The following MYBPHL variants were observed in gnomAD, a reference collection of about 807,000 sequenced individuals.
MYBPHL encodes myosin-binding protein H-like.
MYBPHL carries 32 observed loss-of-function variants against 39.5 expected under a neutral mutation model. The observed-to-expected ratio is 0.81, with a 90% confidence interval of 0.61 to 1.09. The LOEUF (loss-of-function observed/expected upper bound fraction) is 1.09. Ranked by LOEUF, MYBPHL falls within the 50% of genes least tolerant of loss-of-function variation. The pLI, the probability that MYBPHL is intolerant of heterozygous loss-of-function variation, is 0.00. For synonymous variants in MYBPHL, 196 were observed against 183.7 expected (o/e 1.07, Z -0.54); for missense variants, 456 against 460.2 (o/e 0.99, Z 0.08).
At chr1:109,295,903 T>G (rs1458836471) in intron 6 of MYBPHL, among the ~76,000 whole-genome samples, 4 of 152,180 alleles carry the variant, frequency 2.6e-5, no homozygotes, top group African/African-American at 9.7e-5. Context: ...ACGGCCCTGA[T>G]GGGATGAGGT....
chr1:109,297,391 ACC>A (rs759147809), intron 3 of MYBPHL, 29 bp downstream of exon 3: 1 of 1,591,906 alleles, frequency 6.3e-7, no homozygotes, highest in African/African-American at 1.4e-5. Context: ...GTTCCTGAGG[ACC>A]CCCCCATCTC....
chr1:109,294,256 T>C lies in MYBPHL; in HGVS notation c.1055-7A>G. On this transcript the variant is annotated splice_region_variant and splice_polypyrimidine_tract_variant and intron_variant, in intron 7 of 8. Transcript: ENST00000357155. The stretch of plus-strand genomic sequence containing the variant: ...AGGTGTCCTCAATTAGGAACTGTAA[T>C]AATTCGGACATTTCTCAGTGTTAAC... The C allele has an allele frequency of 1.2e-6, 2 of 1,609,990 alleles. No individual in the cohort carries two copies. The highest frequency in any genetic ancestry group is 2.2e-5 in the South Asian group (2 of 90,996).
At chr1:109,304,854 T>C (rs1466636876) in intron 1 of MYBPHL, among the ~76,000 whole-genome samples, 1 of 152,246 alleles carries the variant, frequency 6.6e-6, no homozygotes, top group Non-Finnish European at 1.5e-5. Flanking sequence ...AGCTCATTGT[T>C]GGCCATTTGC....
At chr1:109,294,076 G>T (rs1464936984) in intron 8 of MYBPHL, 130 bp downstream of exon 8, 7 of 645,672 alleles carry the variant, frequency 1.1e-5, no homozygotes, top group Non-Finnish European at 2.0e-5. Context: ...AAAAAAAATG[G>T]TTACAACAAA....
At chr1:109,298,540 C>CTGGAGGCATTCCATCCTGA (rs1658170602) in intron 1 of MYBPHL, among the ~76,000 whole-genome samples, 1 of 152,202 alleles carries the variant, frequency 6.6e-6, no homozygotes, top group African/African-American at 2.4e-5. Flanking sequence ...TTTCCATCAT[C>CTGGAGGCATTCCATCCTGA]TGGAGGCATT....
chr1:109,302,318 A>G (rs1167330758), intron 1 of MYBPHL, among the ~76,000 whole-genome samples: 1 of 152,168 alleles, frequency 6.6e-6, no homozygotes, highest in Non-Finnish European at 1.5e-5. Flanking sequence ...GAGAAACATT[A>G]CCAGATGCCT....
rs1658059168 is a variant in MYBPHL, at chr1:109,296,300, C to T, written c.801G>A (p.Leu267=). 3.1e-6 allele frequency: 5 copies of T among 1,613,978 alleles called. No individual in the cohort carries two copies. The highest frequency in any genetic ancestry group is 4.2e-6 in the Non-Finnish European group (5 of 1,180,002). ...FSEAPKFTQP[L]ADCTTVTGYN... Reference sequence around the variant, plus strand: ...AGCCGGTGACTGTAGTGCAGTCGGCCAGAGGCTGGGTAAACTTTGGGGCTT... The same window carrying T: ...AGCCGGTGACTGTAGTGCAGTCGGCTAGAGGCTGGGTAAACTTTGGGGCTT... Residue 267 remains leucine (L), a synonymous_variant, in exon 6 of 9, where the codon CTG becomes CTA. Transcript: ENST00000357155.
intron 7 of MYBPHL, 126 bp from the exon 8 acceptor site, chr1:109,294,375 T>G: frequency 1.2e-6 from 1 of 830,032 alleles, no homozygotes. Context: ...AATTAGGTAG[T>G]CTATACATAG....
intron 4 of MYBPHL, 33 bp from the exon 5 acceptor site, chr1:109,296,975 C>T (rs771537622): frequency 6.2e-7 from 1 of 1,613,888 alleles, no homozygotes; most frequent in South Asian, 1.1e-5. Context: ...AGAAATCAGC[C>T]ACCCCATGTG....
rs774866658 is a variant in MYBPHL, at chr1:109,297,101, C to T, written c.519G>A (p.Gly173=). The change falls in exon 4 of 9, where the codon GGG becomes GGA. Residue 173 remains glycine, a synonymous_variant. Transcript: ENST00000357155. ...CCGTGTATCCCAGAAGTGCTGTATT[C>T]CCCGTATCTTGGGGCGGTGTCCATT... is the stretch of plus-strand genomic sequence containing the variant. ...TLEWTPPQDT[G]NTALLGYTVQ... is the part of the protein sequence containing the mutation. The T allele has an allele frequency of 3.1e-6, 5 of 1,614,178 alleles. No individual in the cohort carries two copies. The highest frequency in any genetic ancestry group is 2.2e-5 in the East Asian group (1 of 44,878).
intron 1 of MYBPHL, among the ~76,000 whole-genome samples, chr1:109,302,601 T>G (rs1375502643): frequency 2.6e-5 from 4 of 152,160 alleles, no homozygotes; most frequent in African/African-American, 4.8e-5. Context: ...TAACTCCTGC[T>G]GGTCCCAACA....
rs1658157095 is a variant in MYBPHL, at chr1:109,298,213, T to G, written c.190A>C (p.Ile64Leu). 1 of 1,609,842 alleles carries G rather than the reference T, an allele frequency of 6.2e-7. No individual in the cohort carries two copies. Among genetic ancestry groups the G allele is most frequent in the Non-Finnish European group, 8.5e-7 (1 of 1,178,284 alleles). ...WLPRALRQTYIRKVGDTVNLL... is the reference protein window; with the variant it reads ...WLPRALRQTYLRKVGDTVNLL... ...TTCACTGTGTCCCCAACCTTCCGGA[T>G]GTAGGTCTGCCTCAGGGCCCGAGGT... The change falls in exon 2 of 9, where the codon ATC becomes CTC. Residue 64 changes from isoleucine to leucine, a missense_variant. By Grantham distance (5) the Ile-to-Leu change is conservative (BLOSUM62 2). Transcript: ENST00000357155.
intron 1 of MYBPHL, among the ~76,000 whole-genome samples, chr1:109,298,685 C>T (rs974375506): frequency 1.3e-5 from 2 of 152,104 alleles, no homozygotes; most frequent in Non-Finnish European, 2.9e-5. Flanking sequence ...CATGTCAATC[C>T]TGACCTCCCA....
In MYBPHL at chr1:109,297,628, A is replaced by G; in HGVS notation, c.235-11T>C. 6.2e-7 allele frequency: 1 copy of G among 1,610,354 alleles called. No homozygotes were observed. The highest frequency in any genetic ancestry group is 8.5e-7 in the Non-Finnish European group (1 of 1,178,114). On this transcript the variant is annotated splice_polypyrimidine_tract_variant and intron_variant, in intron 2 of 8. Transcript: ENST00000357155. ...AGGTTTGGGCTTGCCCTGAGGAATGAGGGTAATGCTTTGAGCAGCCCCGAG... is the reference window on the plus strand; with the variant it reads ...AGGTTTGGGCTTGCCCTGAGGAATGGGGGTAATGCTTTGAGCAGCCCCGAG...
In MYBPHL at chr1:109,294,992, G is replaced by A. The variant is rs1658003651; in HGVS notation, c.1054+119C>T. The A allele has an allele frequency of 8.4e-6, 7 of 835,508 alleles. No individual in the cohort carries two copies. The South Asian group carries it at 1.1e-4, about 14-fold the overall frequency. The allele number at this position is 835,508 out of a possible 1,614,324, so 51.8% of individuals were successfully genotyped here. On this transcript the variant is annotated intron_variant, in intron 7 of 8. Coordinates refer to ENST00000357155, the MANE Select transcript of MYBPHL (RefSeq NM_001010985.3). Reference sequence around the variant, plus strand: ...CATCCTGATGATGACAGTGATGAAAGAGTCCAGCGGAGGAACCCCTTCTCC... The same window carrying A: ...CATCCTGATGATGACAGTGATGAAAAAGTCCAGCGGAGGAACCCCTTCTCC...
rs1316217769 is a variant in MYBPHL at position 109,296,376 on chromosome 1, G to A, written c.731-6C>T. 1 of 1,613,970 alleles carries A rather than the reference G, an allele frequency of 6.2e-7. No individual in the cohort carries two copies. Among genetic ancestry groups the A allele is most frequent in the Admixed American group, 1.7e-5 (1 of 59,980 alleles). The stretch of plus-strand genomic sequence containing the variant: ...CTTGGTCTTGTAAACAGTAGCTGAG[G>A]GCACCAAGAGGGGCTGGCATGTAGC... On this transcript the variant is annotated splice_polypyrimidine_tract_variant and splice_region_variant and intron_variant, in intron 5 of 8. Coordinates refer to ENST00000357155, the MANE Select transcript of MYBPHL (RefSeq NM_001010985.3).
chr1:109,296,111 G>A, intron 6 of MYBPHL, 123 bp downstream of exon 6: 1 of 1,243,368 alleles, frequency 8.0e-7, no homozygotes, highest in East Asian at 2.4e-5. Context: ...CCGTGCTGTA[G>A]AAGAGGCAGA....
intron 1 of MYBPHL, among the ~76,000 whole-genome samples, chr1:109,305,023 A>C (rs1011197210): frequency 2.6e-5 from 4 of 152,148 alleles, no homozygotes; most frequent in African/African-American, 9.7e-5. Context: ...CTTAGGGGTC[A>C]TCTAGTCCAG....
At chr1:109,305,906 C>A (rs1003084582) in intron 1 of MYBPHL, among the ~76,000 whole-genome samples, 2 of 152,216 alleles carry the variant, frequency 1.3e-5, no homozygotes, top group African/African-American at 4.8e-5. Context: ...CTCAGCAATC[C>A]TTTCAACTAC....
Sources: gnomAD v4.1 joint callset for allele counts (sites outside exome capture counted in the v4.1 genomes callset) on GRCh38, gnomAD v4.1.1 for gene constraint, MANE v1.5 for transcripts, NCBI Gene and HGNC (gene_info 2026-07-23, HGNC 2026-07-21) for gene names.